The following LRBA variants were observed in gnomAD, a reference collection of about 807,000 sequenced individuals.
LRBA encodes the protein LPS responsive beige-like anchor protein.
Under a neutral mutation model 330.0 loss-of-function variants are expected in LRBA, and 176 were observed. The observed-to-expected ratio is 0.53, with a 90% CI of 0.47 to 0.60. The LOEUF (loss-of-function observed/expected upper bound fraction) is 0.60. Ranked by LOEUF, LRBA falls within the 20% of genes least tolerant of loss-of-function variation. LRBA has a pLI of 0.00. For missense variants in LRBA, 3,259 were observed against 3,444.8 expected (o/e 0.95, Z 1.35); for synonymous variants, 1,230 against 1,193.0 (o/e 1.03, Z -0.64).
At chr4:150,814,474 T>C (rs891772908) in intron 31 of LRBA, among the ~76,000 whole-genome samples, 2 of 151,508 alleles carry the variant, frequency 1.3e-5, no homozygotes, top group Non-Finnish European at 2.9e-5. Context: ...CGGAATAAAA[T>C]AGAAGCAATA....
chr4:150,534,633 A>G (rs576928438), intron 40 of LRBA, among the ~76,000 whole-genome samples: 50 of 152,266 alleles, frequency 3.3e-4, no homozygotes, highest in African/African-American at 1.1e-3. Flanking sequence ...TCCTACAAAA[A>G]GCTGTAAGAA....
chr4:150,474,124 CTATAA>C (rs774754568), intron 42 of LRBA, among the ~76,000 whole-genome samples: 1 of 152,044 alleles, frequency 6.6e-6, no homozygotes, highest in Non-Finnish European at 1.5e-5. Flanking sequence ...ACATATAGGC[CTATAA>C]TATATTTTGA....
rs1328723763 is a variant in LRBA at position 150,850,819 on chromosome 4, C to T, written c.3909G>A (p.Val1303=). 3.7e-6 allele frequency: 6 copies of T among 1,613,708 alleles called. No individual in the cohort carries two copies. Among genetic ancestry groups the T allele is most frequent in the Non-Finnish European group, 5.1e-6 (6 of 1,179,804 alleles). The change falls in exon 24 of 57, where the codon GTG becomes GTA. Residue 1303 remains valine (V), a synonymous_variant. Coordinates refer to ENST00000651943, the MANE Select transcript of LRBA (RefSeq NM_001364905.1). Reference sequence around the variant, plus strand: ...ACCAGTTGAACTCAGGAATACGAAACACAGTAGATCTGGAATCCCTCCTTT... The same window carrying T: ...ACCAGTTGAACTCAGGAATACGAAATACAGTAGATCTGGAATCCCTCCTTT... ...NGQRRDSRST[V]FRIPEFNWSQ... is the part of the protein sequence containing the mutation.
At chr4:150,322,254 G>A (rs1468835170) in intron 49 of LRBA, among the ~76,000 whole-genome samples, 1 of 152,140 alleles carries the variant, frequency 6.6e-6, no homozygotes, top group African/African-American at 2.4e-5. Context: ...AATAAATCTT[G>A]AAGACTACTA....
At chr4:150,414,310 T>C (rs1747415887) in intron 47 of LRBA, among the ~76,000 whole-genome samples, 1 of 151,992 alleles carries the variant, frequency 6.6e-6, no homozygotes, top group Non-Finnish European at 1.5e-5. Context: ...ATTTCAATAA[T>C]AATGAGACTG....
At chr4:150,868,117 A>AT in intron 21 of LRBA, 65 bp downstream of exon 21, 1 of 1,494,338 alleles carries the variant, frequency 6.7e-7, no homozygotes, top group South Asian at 1.3e-5. Context: ...TTTTTCTTAG[A>AT]TAAAATGGGC....
At position 150,915,723 on chromosome 4, in the gene LRBA, T is replaced by C. The variant is rs1208960894; in HGVS notation, c.899A>G (p.Tyr300Cys). ...ATAGATGTGTACTATGGTAACCATA[T>C]ACCACTGCAGAAGCAAAAAACAGTT... ...VKFDFKPQKW[Y>C]MVTIVHIYNR... is the part of the protein sequence containing the mutation. The change falls in exon 8 of 57, where the codon TAT (tyrosine) becomes TGT (cysteine). Residue 300 changes from tyrosine (Y) to cysteine (C), a missense_variant. Coordinates refer to ENST00000651943, the MANE Select transcript of LRBA (RefSeq NM_001364905.1). 6.3e-7 allele frequency: 1 copy of C among 1,597,254 alleles called. No individual in the cohort carries two copies. The highest frequency in any genetic ancestry group is 1.1e-5 in the South Asian group (1 of 87,016).
chr4:150,317,140 G>A (rs1401363621), intron 50 of LRBA, among the ~76,000 whole-genome samples: 2 of 152,064 alleles, frequency 1.3e-5, no homozygotes, highest in Non-Finnish European at 2.9e-5. Context: ...GGTCTTATCA[G>A]ATCTTAGCTT....
At chr4:150,726,016 A>C (rs1316498820) in intron 36 of LRBA, among the ~76,000 whole-genome samples, 1 of 152,202 alleles carries the variant, frequency 6.6e-6, no homozygotes, top group African/African-American at 2.4e-5. Context: ...TATAAAAAGC[A>C]AGAAATTAAA....
intron 33 of LRBA, among the ~76,000 whole-genome samples, chr4:150,798,948 A>G (rs574539848): frequency 6.6e-6 from 1 of 152,192 alleles, no homozygotes; most frequent in Non-Finnish European, 1.5e-5. Flanking sequence ...GTTCCAGGGT[A>G]TAACATCTAA....
intron 4 of LRBA, among the ~76,000 whole-genome samples, chr4:150,927,033 T>C (rs1398614696): frequency 6.8e-6 from 1 of 146,390 alleles, no homozygotes; most frequent in Non-Finnish European, 1.5e-5. Context: ...ATCGCACCAC[T>C]GGACGTTAGC....
Position 150,302,772 on chromosome 4 carries a change from A to C in LRBA, c.7870T>G (p.Phe2624Val), listed in dbSNP as rs761209867. 3.1e-6 allele frequency: 5 copies of C among 1,604,036 alleles called. No individual in the cohort carries two copies. Among genetic ancestry groups the C allele is most frequent in the Non-Finnish European group, 4.3e-6 (5 of 1,174,980 alleles). ...TDTGRLIQVV[F>V]GHWDVVTCLA... ...CAAGTGACGACATCCCAATGGCCAA[A>C]CACCACTTGGATCAATCTTCCTGTA... The change falls in exon 53 of 57, where the codon TTT becomes GTT. Residue 2624 changes from phenylalanine (F) to valine (V), a missense_variant. Phe to Val is a conservative substitution (Grantham distance 50). Coordinates refer to ENST00000651943, the MANE Select transcript of LRBA (RefSeq NM_001364905.1).
At chr4:150,415,924 T>C (rs904712580) in intron 46 of LRBA, among the ~76,000 whole-genome samples, 1 of 152,188 alleles carries the variant, frequency 6.6e-6, no homozygotes, top group African/African-American at 2.4e-5. Context: ...ATAACAATAA[T>C]GACAACCTAA....
chr4:150,668,348 G>T (rs1781748851), intron 37 of LRBA, among the ~76,000 whole-genome samples: 1 of 152,090 alleles, frequency 6.6e-6, no homozygotes, highest in African/African-American at 2.4e-5. Flanking sequence ...GGGAAAGAGT[G>T]GTATCAGAGA....
At chr4:150,854,142 A>G (rs1189445519) in intron 22 of LRBA, among the ~76,000 whole-genome samples, 1 of 152,200 alleles carries the variant, frequency 6.6e-6, no homozygotes, top group African/African-American at 2.4e-5. Flanking sequence ...CATATACAGA[A>G]CATTCATGCC....
chr4:150,647,599 A>G (rs1409269516), intron 37 of LRBA, among the ~76,000 whole-genome samples: 2 of 151,798 alleles, frequency 1.3e-5, no homozygotes, highest in Non-Finnish European at 2.9e-5. Flanking sequence ...GGGTCTCCCT[A>G]TGTTGCCCAG....
intron 37 of LRBA, among the ~76,000 whole-genome samples, chr4:150,653,964 T>A (rs1779942341): frequency 6.6e-6 from 1 of 152,112 alleles, no homozygotes; most frequent in African/African-American, 2.4e-5. Context: ...TAATCAATAA[T>A]ACTCCTTCTC....
chr4:150,459,384 A>C (rs951573099), intron 44 of LRBA, among the ~76,000 whole-genome samples: 7 of 151,950 alleles, frequency 4.6e-5, no homozygotes, highest in African/African-American at 1.7e-4. Flanking sequence ...GCAGATATAA[A>C]GCAAGTATTG....
intron 2 of LRBA, among the ~76,000 whole-genome samples, chr4:150,991,319 C>G (rs1742058575): frequency 6.6e-6 from 1 of 152,134 alleles, no homozygotes; most frequent in South Asian, 2.1e-4. Context: ...GTTAAACATA[C>G]ATTTACCATA....
Sources: gnomAD v4.1 joint callset for allele counts (sites outside exome capture counted in the v4.1 genomes callset) on GRCh38, gnomAD v4.1.1 for gene constraint, MANE v1.5 for transcripts, NCBI Gene and HGNC (gene_info 2026-07-23, HGNC 2026-07-21) for gene names.